Variants in GBE1 observed in about 807,000 individuals in gnomAD.
GBE1 encodes 1,4-alpha-glucan branching enzyme 1.
In GBE1, 70 loss-of-function variants were observed where a neutral mutation model predicts 88.8. The observed-to-expected ratio is 0.79, with a 90% CI of 0.65 to 0.96. The LOEUF (loss-of-function observed/expected upper bound fraction) is 0.96. Ranked by LOEUF, GBE1 falls within the 40% of genes least tolerant of loss-of-function variation. The pLI is 0.00. For missense variants in GBE1, 872 were observed against 871.0 expected (o/e 1.00, Z -0.01); for synonymous variants, 284 against 300.1 (o/e 0.95, Z 0.56).
intron 7 of GBE1, among the ~76,000 whole-genome samples, chr3:81,621,504 C>T (rs1242701896): frequency 6.6e-6 from 1 of 152,076 alleles, no homozygotes; most frequent in Non-Finnish European, 1.5e-5. Context: ...ATGCTTTGGT[C>T]TCCTTATAAG....
intron 14 of GBE1, among the ~76,000 whole-genome samples, chr3:81,527,848 C>T (rs1327017621): frequency 3.9e-5 from 6 of 151,918 alleles, no homozygotes; most frequent in Non-Finnish European, 8.8e-5. Context: ...ACCATTTGAC[C>T]CAGTCATCCC....
intron 7 of GBE1, among the ~76,000 whole-genome samples, chr3:81,607,160 T>C (rs1488002243): frequency 1.3e-5 from 2 of 152,238 alleles, no homozygotes; most frequent in Non-Finnish European, 2.9e-5. Context: ...GCCTTGTTAT[T>C]TTATTCAAAA....
chr3:81,493,455 A>T (rs186717362), intron 15 of GBE1, among the ~76,000 whole-genome samples: 265 of 152,144 alleles, frequency 1.7e-3, no homozygotes, highest in Non-Finnish European at 3.4e-3. Flanking sequence ...TAATAATTAC[A>T]TAATGATAAT....
intron 7 of GBE1, among the ~76,000 whole-genome samples, chr3:81,601,357 T>A (rs935781896): frequency 6.6e-6 from 1 of 152,144 alleles, no homozygotes; most frequent in Non-Finnish European, 1.5e-5. Flanking sequence ...AAACCTCACC[T>A]CTTAACTGCA....
intron 7 of GBE1, among the ~76,000 whole-genome samples, chr3:81,597,878 A>T: frequency 6.6e-6 from 1 of 151,954 alleles, no homozygotes; most frequent in Non-Finnish European, 1.5e-5. Context: ...GTAATCAAGT[A>T]ATGAGGATTT....
intron 2 of GBE1, among the ~76,000 whole-genome samples, chr3:81,685,763 C>T (rs1705428380): frequency 6.6e-6 from 1 of 152,040 alleles, no homozygotes; most frequent in African/African-American, 2.4e-5. Flanking sequence ...GCTCTTTAGT[C>T]TCAGCATTCA....
chr3:81,756,211 G>A (rs1013088303), intron 1 of GBE1, among the ~76,000 whole-genome samples: 5 of 152,112 alleles, frequency 3.3e-5, no homozygotes, highest in Non-Finnish European at 7.4e-5. Context: ...TAATTAAGAA[G>A]CTATTTTCTT....
At chr3:81,706,713 A>G (rs1223802245) in intron 1 of GBE1, among the ~76,000 whole-genome samples, 3 of 152,152 alleles carry the variant, frequency 2.0e-5, no homozygotes, top group Admixed American at 2.0e-4. Context: ...CTTTTTACAA[A>G]TACTTCACAT....
intron 14 of GBE1, among the ~76,000 whole-genome samples, chr3:81,510,406 C>T (rs186513234): frequency 5.3e-5 from 8 of 152,004 alleles, no homozygotes; most frequent in Admixed American, 5.3e-4. Context: ...TAGAAAATCA[C>T]AGTACAGGTC....
At chr3:81,600,151 C>T (rs1376858413) in intron 7 of GBE1, among the ~76,000 whole-genome samples, 1 of 152,064 alleles carries the variant, frequency 6.6e-6, no homozygotes, top group Non-Finnish European at 1.5e-5. Flanking sequence ...GTCTCAGCTA[C>T]TTGGGAGGCT....
chr3:81,577,947 T>C lies in GBE1; in HGVS notation c.1596A>G (p.Gly532=), dbSNP rs1435266313. 12 of 1,597,636 alleles carry C rather than the reference T, an allele frequency of 7.5e-6. No homozygotes were observed. The highest frequency in any genetic ancestry group is 6.8e-6 in the Non-Finnish European group (8 of 1,174,420). ...TACCCATGAAATTGAGATAGCCTTC[T>C]CCACCAAGCCCATGCGTAATGAGTC... ...MIRLITHGLG[G]EGYLNFMGNE... is the part of the protein sequence containing the mutation. The change falls in exon 12 of 16, where the codon GGA becomes GGG. Residue 532 remains glycine, a synonymous_variant. Transcript: ENST00000429644.
chr3:81,522,183 A>C (rs1313344956), intron 14 of GBE1, among the ~76,000 whole-genome samples: 1 of 151,534 alleles, frequency 6.6e-6, no homozygotes, highest in Non-Finnish European at 1.5e-5. Context: ...GTAATCTAAG[A>C]AGCATGTTAA....
intron 1 of GBE1, among the ~76,000 whole-genome samples, chr3:81,745,160 T>TGCA (rs1234743277): frequency 6.6e-6 from 1 of 152,132 alleles, no homozygotes; most frequent in African/African-American, 2.4e-5. Context: ...CTTACAAATC[T>TGCA]GCAACAGTAA....
chr3:81,540,520 G>A (rs1395101618), intron 12 of GBE1, among the ~76,000 whole-genome samples: 1 of 152,022 alleles, frequency 6.6e-6, no homozygotes, highest in Non-Finnish European at 1.5e-5. Context: ...ATTCTGAGGA[G>A]AGAACCAGCT....
intron 1 of GBE1, among the ~76,000 whole-genome samples, chr3:81,736,603 A>C (rs1318016414): frequency 6.6e-6 from 1 of 152,326 alleles, no homozygotes; most frequent in East Asian, 1.9e-4. Flanking sequence ...GATCTGGCTC[A>C]GTTTTAAACC....
chr3:81,593,764 T>C (rs1703914367), intron 8 of GBE1, 144 bp downstream of exon 8: 1 of 572,802 alleles, frequency 1.7e-6, no homozygotes, highest in Non-Finnish European at 3.1e-6. Context: ...TAAAATGTAC[T>C]TATAATCTAC....
intron 2 of GBE1, among the ~76,000 whole-genome samples, chr3:81,703,132 T>C (rs577096090): frequency 6.6e-6 from 1 of 152,086 alleles, no homozygotes; most frequent in South Asian, 2.1e-4. Context: ...AAAAGAAAAC[T>C]AGTGAAATAG....
intron 12 of GBE1, among the ~76,000 whole-genome samples, chr3:81,554,074 C>T (rs1703315149): frequency 6.6e-6 from 1 of 152,066 alleles, no homozygotes; most frequent in Non-Finnish European, 1.5e-5. Flanking sequence ...ATTTTCATAG[C>T]AACAGTAATG....
At chr3:81,559,434 C>T (rs1703390753) in intron 12 of GBE1, among the ~76,000 whole-genome samples, 1 of 150,478 alleles carries the variant, frequency 6.6e-6, no homozygotes. Flanking sequence ...TACTCCCTCA[C>T]TTACCCTGCA....
Sources: gnomAD v4.1 joint callset for allele counts (sites outside exome capture counted in the v4.1 genomes callset) on GRCh38, gnomAD v4.1.1 for gene constraint, MANE v1.5 for transcripts, NCBI Gene and HGNC (gene_info 2026-07-23, HGNC 2026-07-21) for gene names.